The following IGHMBP2 variants were observed in gnomAD, a reference collection of about 807,000 sequenced individuals.
IGHMBP2 encodes immunoglobulin mu DNA binding protein 2.
In IGHMBP2, 81 loss-of-function variants were observed where a neutral mutation model predicts 96.0. The ratio of observed to expected loss-of-function variants is 0.84; its 90% confidence interval spans 0.71 to 1.01. The LOEUF (loss-of-function observed/expected upper bound fraction) is 1.01, where lower values mean the gene tolerates loss of function less well. IGHMBP2 is among the 50% of genes least tolerant of loss of function. The pLI is 0.00. For synonymous variants in IGHMBP2, 557 were observed against 548.9 expected (o/e 1.01, Z -0.21); for missense variants, 1,227 against 1,306.3 (o/e 0.94, Z 0.94).
chr11:68,934,436 T>G (rs1179736839), intron 10 of IGHMBP2, 28 bp from the exon 11 acceptor site: 11 of 1,548,716 alleles, frequency 7.1e-6, no homozygotes, highest in Middle Eastern at 1.7e-4. Flanking sequence ...GACCTTGTGC[T>G]GCTCACCCGT....
At chr11:68,909,372 GT>G (rs1858341888) in intron 4 of IGHMBP2, among the ~76,000 whole-genome samples, 1 of 151,456 alleles carries the variant, frequency 6.6e-6, no homozygotes, top group Non-Finnish European at 1.5e-5. Context: ...TGGAGACAGG[GT>G]TTTGCCATCT....
At chr11:68,912,996 C>T (rs573917204) in intron 5 of IGHMBP2, among the ~76,000 whole-genome samples, 9 of 137,000 alleles carry the variant, frequency 6.6e-5, no homozygotes, top group East Asian at 4.4e-4. Context: ...GAACTGAGAT[C>T]GCACCATTGC....
intron 7 of IGHMBP2, among the ~76,000 whole-genome samples, chr11:68,926,571 G>A (rs1859079240): frequency 6.6e-6 from 1 of 151,954 alleles, no homozygotes; most frequent in Non-Finnish European, 1.5e-5. Context: ...GCCAGCCTCT[G>A]TGTGGTACTT....
intron 7 of IGHMBP2, among the ~76,000 whole-genome samples, chr11:68,921,571 A>T (rs570870541): frequency 4.1e-4 from 62 of 152,316 alleles, no homozygotes; most frequent in African/African-American, 1.4e-3. Flanking sequence ...CTTAGCATTT[A>T]TGCTTTTGTC....
rs202111853 is a variant in IGHMBP2, at chr11:68,912,527, T to A, written c.711+924T>A. 3.2e-4 allele frequency among the ~76,000 whole-genome samples: 44 copies of A among 138,624 alleles called. 1 individual carries two copies. The highest frequency in any genetic ancestry group is 6.1e-4 in the East Asian group (3 of 4,916). The allele number at this position is 138,624 out of a possible 152,430, so 90.9% of individuals were successfully genotyped here. A position where few individuals can be genotyped will look rare whatever the true frequency, so the allele number is the denominator to read the frequency against. On this transcript the variant is annotated intron_variant, in intron 5 of 14. Coordinates refer to ENST00000255078, the MANE Select transcript of IGHMBP2 (RefSeq NM_002180.3). ...GGCACATGGAGAGTTTTTTTTTTTT[T>A]AATTTATTTATTTATTTTTAATTAT...
chr11:68,922,242 C>T (rs1044121450), intron 7 of IGHMBP2, among the ~76,000 whole-genome samples: 3 of 151,696 alleles, frequency 2.0e-5, no homozygotes, highest in African/African-American at 7.3e-5. Context: ...CGCTTGAACC[C>T]GGAGGCGGAG....
chr11:68,923,050 C>A (rs903784482), intron 7 of IGHMBP2, among the ~76,000 whole-genome samples: 1 of 152,078 alleles, frequency 6.6e-6, no homozygotes, highest in Admixed American at 6.5e-5. Context: ...CATTTTTGGT[C>A]TCTTTCGATG....
chr11:68,928,811 C>T (rs897118560), intron 7 of IGHMBP2, among the ~76,000 whole-genome samples: 2 of 150,610 alleles, frequency 1.3e-5, no homozygotes, highest in African/African-American at 5.0e-5. Context: ...GTTGATTGTT[C>T]TGTATGTCCA....
chr11:68,938,842 TG>T (rs1434368806), intron 14 of IGHMBP2, among the ~76,000 whole-genome samples: 1 of 152,044 alleles, frequency 6.6e-6, no homozygotes, highest in Non-Finnish European at 1.5e-5. Context: ...GTGGGGGACC[TG>T]GGTAAGAGAC....
chr11:68,905,230 G>A (rs1247931658), intron 1 of IGHMBP2, among the ~76,000 whole-genome samples: 1 of 152,248 alleles, frequency 6.6e-6, no homozygotes, highest in Admixed American at 6.5e-5. Context: ...TTTGCAGTCA[G>A]CCATATGTGG....
intron 2 of IGHMBP2, among the ~76,000 whole-genome samples, chr11:68,907,242 A>G (rs1161616346): frequency 6.6e-6 from 1 of 152,138 alleles, no homozygotes; most frequent in Non-Finnish European, 1.5e-5. Context: ...GCTTGGGGGC[A>G]AAGTGAGACC....
At chr11:68,924,710 G>C (rs931348104) in intron 7 of IGHMBP2, among the ~76,000 whole-genome samples, 1 of 152,216 alleles carries the variant, frequency 6.6e-6, no homozygotes. Flanking sequence ...CTTATGTAAT[G>C]TTATCAAGGG....
intron 7 of IGHMBP2, among the ~76,000 whole-genome samples, chr11:68,925,613 A>G (rs1859037284): frequency 6.6e-6 from 1 of 151,702 alleles, no homozygotes; most frequent in Admixed American, 6.6e-5. Context: ...TCTCCAAAGG[A>G]CTCCCTTTGG....
intron 2 of IGHMBP2, 59 bp from the exon 3 acceptor site, chr11:68,908,086 A>G (rs1594417780): frequency 7.5e-7 from 1 of 1,329,408 alleles, no homozygotes; most frequent in Non-Finnish European, 1.1e-6. Flanking sequence ...ATTTTATTAC[A>G]GAAAATGATA....
At chr11:68,925,750 T>C (rs886342012) in intron 7 of IGHMBP2, among the ~76,000 whole-genome samples, 1 of 152,188 alleles carries the variant, frequency 6.6e-6, no homozygotes, top group South Asian at 2.1e-4. Flanking sequence ...GTTGACAGTC[T>C]TTCAGCCCTT....
At position 68,936,913 on chromosome 11, in the gene IGHMBP2, C is replaced by T. The variant is rs915018099; in HGVS notation, c.2433C>T (p.Thr811=). The T allele has an allele frequency of 1.2e-6, 2 of 1,605,974 alleles. No homozygotes were observed. The highest frequency in any genetic ancestry group is 3.4e-5 in the Admixed American group (2 of 58,696). ...CCCCTCTCCAGCCAGTGCCCCCTAC[C>T]CCTGCGCAGACAGAGCAGCCTCCCA... is the stretch of plus-strand genomic sequence containing the variant. ...GPAPLQPVPP[T]PAQTEQPPRE... Residue 811 remains threonine (T), a synonymous_variant, in exon 13 of 15, where the codon ACC becomes ACT. Transcript: ENST00000255078.
chr11:68,910,798 G>A (rs575135155), intron 4 of IGHMBP2, among the ~76,000 whole-genome samples: 5 of 150,974 alleles, frequency 3.3e-5, no homozygotes, highest in Non-Finnish European at 7.4e-5. Flanking sequence ...CAGGAGAATC[G>A]CTTGAACCCA....
chr11:68,933,929 G>A lies in IGHMBP2; in HGVS notation c.1537+16G>A. ...GGGAACCCTGGTGAGCTTGCTTGCA[G>A]ATGGCCAGCTTTTTTGTTTAAACAT... is the stretch of plus-strand genomic sequence containing the variant. On this transcript the variant is annotated intron_variant, in intron 10 of 14. Transcript: ENST00000255078. 6.5e-7 allele frequency: 1 copy of A among 1,530,198 alleles called. No homozygotes were observed. Among genetic ancestry groups the A allele is most frequent in the South Asian group, 1.2e-5 (1 of 85,712 alleles). The allele number at this position is 1,530,198 out of a possible 1,614,324, so 94.8% of individuals were successfully genotyped here. A position where few individuals can be genotyped will look rare whatever the true frequency, so the allele number is the denominator to read the frequency against.
intron 5 of IGHMBP2, among the ~76,000 whole-genome samples, chr11:68,913,029 CAAAACTCCATCTCCAAAAAAAAAAAAAA>C (rs1858498426): frequency 2.0e-5 from 1 of 49,758 alleles, no homozygotes; most frequent in Admixed American, 3.3e-4. Context: ...GCAATAAGAG[CAAAACTCCATCTCCAAAAAAAAAAAAAA>C]AAAAAAAAAA....
Sources: allele counts gnomAD v4.1 joint callset (sites outside exome capture counted in the v4.1 genomes callset), GRCh38; gene constraint gnomAD v4.1.1; transcripts MANE v1.5; gene names NCBI Gene and HGNC (gene_info 2026-07-23, HGNC 2026-07-21).